TDRD10: variants seen among roughly 807,000 people sequenced by gnomAD.
The protein encoded by TDRD10 is tudor domain containing 10, also known as tudor domain-containing protein 10.
TDRD10 carries 40 observed loss-of-function variants against 48.0 expected under a neutral mutation model. That is an observed-to-expected ratio of 0.83 (90% CI 0.65 to 1.09). The LOEUF is 1.09. TDRD10 is among the 50% of genes least tolerant of loss of function. The pLI is 0.00. For synonymous variants in TDRD10, 162 were observed against 170.4 expected (o/e 0.95, Z 0.38); for missense variants, 378 against 434.7 (o/e 0.87, Z 1.16).
chr1:154,544,391 A>G lies in TDRD10; in HGVS notation c.671A>G (p.Gln224Arg). 6.3e-7 allele frequency: 1 copy of G among 1,590,756 alleles called. No individual in the cohort carries two copies. Among genetic ancestry groups the G allele is most frequent in the Non-Finnish European group, 8.6e-7 (1 of 1,168,996 alleles). The change falls in exon 10 of 13, where the codon CAG (glutamine) becomes CGG (arginine). Residue 224 changes from glutamine (Q) to arginine (R), a missense_variant. Physicochemically the swap from Gln to Arg is conservative, Grantham distance 43. Transcript: ENST00000368482. ...HVTEALHQNM[Q>R]ALFSTLAQAE... is the part of the protein sequence containing the mutation. ...CCACAGGCTCTGCACCAGAACATGC[A>G]GGCTCTGTTTAGCACCCTGGCTCAG...
chr1:154,503,345 T>C (rs1159595041), intron 1 of TDRD10, among the ~76,000 whole-genome samples: 2 of 152,124 alleles, frequency 1.3e-5, no homozygotes, highest in Non-Finnish European at 2.9e-5. Context: ...CCCAGCACTT[T>C]GGGAGGCCGA....
At chr1:154,521,509 C>A in intron 6 of TDRD10, 30 bp downstream of exon 6, 1 of 1,607,220 alleles carries the variant, frequency 6.2e-7, no homozygotes, top group Non-Finnish European at 8.5e-7. Context: ...TGCTCTGGGG[C>A]GTTCCATTTT....
chr1:154,533,424 A>G (rs1238294637), intron 6 of TDRD10, among the ~76,000 whole-genome samples: 5 of 149,924 alleles, frequency 3.3e-5, no homozygotes, highest in African/African-American at 1.2e-4. Context: ...TAAGTTTGGA[A>G]TATATAAAGC....
chr1:154,544,465 A>T lies in TDRD10; in HGVS notation c.745A>T (p.Thr249Ser), dbSNP rs776368368. The stretch of plus-strand genomic sequence containing the variant: ...GGAGGGCTCCACCGTTATGCGCGGG[A>T]CTCGCTGTCTGGCAGAGTACCACCT... ...YLEGSTVMRG[T>S]RCLAEYHLGD... Residue 249 changes from threonine to serine, a missense_variant, in exon 10 of 13, where the codon ACT (threonine) becomes TCT (serine). Physicochemically the swap from Thr to Ser is moderately conservative, Grantham distance 58 (BLOSUM62 1). Around this residue, in one of 2 missense-constraint regions of TDRD10, gnomAD observed 310 missense variants for 323.6 expected, o/e 0.96. Coordinates refer to ENST00000368482, the MANE Select transcript of TDRD10 (RefSeq NM_182499.4). 1.4e-5 allele frequency: 22 copies of T among 1,613,098 alleles called. No homozygotes were observed. In the East Asian group the frequency reaches 4.7e-4, roughly 34 times the overall value.
intron 3 of TDRD10, among the ~76,000 whole-genome samples, chr1:154,507,592 T>C (rs1010215581): frequency 5.9e-5 from 9 of 152,124 alleles, no homozygotes; most frequent in East Asian, 3.9e-4. Context: ...ATTTTCCCTC[T>C]ACCATCTCCA....
chr1:154,504,043 C>G (rs1023834433), intron 1 of TDRD10, among the ~76,000 whole-genome samples: 5 of 152,192 alleles, frequency 3.3e-5, no homozygotes, highest in Admixed American at 2.6e-4. Flanking sequence ...TCATTTCCCT[C>G]TCCGCCTTCC....
At position 154,508,410 on chromosome 1, in the gene TDRD10, T is replaced by C. The variant is rs1382923289; in HGVS notation, c.83-13T>C. On this transcript the variant is annotated splice_polypyrimidine_tract_variant and intron_variant, in intron 3 of 12. Coordinates refer to ENST00000368482, the MANE Select transcript of TDRD10 (RefSeq NM_182499.4). ...TATGTATGCCTGCCATTTAATGCTG[T>C]TTTTCTTCTTAGGATTCAAGAAAAG... 6.3e-7 allele frequency: 1 copy of C among 1,592,084 alleles called. No homozygotes were observed. Among genetic ancestry groups the C allele is most frequent in the Admixed American group, 1.7e-5 (1 of 59,996 alleles).
chr1:154,519,674 G>A (rs919145426), intron 4 of TDRD10, among the ~76,000 whole-genome samples: 1 of 152,140 alleles, frequency 6.6e-6, no homozygotes, highest in African/African-American at 2.4e-5. Flanking sequence ...CTTTCTACAA[G>A]TTTGGCAGAA....
chr1:154,544,896 G>A lies in TDRD10; in HGVS notation c.899G>A (p.Ser300Asn), dbSNP rs769601109. ...GTGCAGTCTCTGCGCAGCCTAGACA[G>A]CGACGACTTCTGGACCATCCCACCC... ...IPVQSLRSLD[S>N]DDFWTIPPLT... Residue 300 changes from serine to asparagine, a missense_variant, in exon 11 of 13, where the codon AGC becomes AAC. Ser to Asn is a conservative substitution (Grantham distance 46). Around this residue, in one of 2 missense-constraint regions of TDRD10, gnomAD observed 68 missense variants for 111.1 expected, o/e 0.61. Transcript: ENST00000368482. The A allele has an allele frequency of 1.2e-6, 2 of 1,614,090 alleles. No homozygotes were observed. Among genetic ancestry groups the A allele is most frequent in the East Asian group, 4.5e-5 (2 of 44,902 alleles).
chr1:154,519,810 G>T lies in TDRD10; in HGVS notation c.142-494G>T, dbSNP rs906262583. ...CCCGCGGAGCAGGATGGGGAGGAGG[G>T]GATGGGGTGAGGAAGACGGCCTGAG... On this transcript the variant is annotated intron_variant, in intron 4 of 12. Transcript: ENST00000368482. 6.6e-5 allele frequency among the ~76,000 whole-genome samples: 10 copies of T among 152,336 alleles called. No homozygotes were observed. In the East Asian group the frequency reaches 1.7e-3, roughly 26 times the overall value.
chr1:154,531,952 G>A (rs1694651900), intron 6 of TDRD10, among the ~76,000 whole-genome samples: 1 of 152,222 alleles, frequency 6.6e-6, no homozygotes, highest in Non-Finnish European at 1.5e-5. Context: ...GCGCTGATTG[G>A]TGTATTTACA....
chr1:154,511,110 T>G (rs1173641205), intron 4 of TDRD10, among the ~76,000 whole-genome samples: 1 of 151,952 alleles, frequency 6.6e-6, no homozygotes, highest in Non-Finnish European at 1.5e-5. Context: ...TTAACTTTTT[T>G]GTTTGTTTGT....
Position 154,524,943 on chromosome 1 carries a change from C to T in TDRD10, c.369+3464C>T, listed in dbSNP as rs576137872. ...TCCTTGGACTTCTGTGTGGCTCCTT[C>T]CTCTCTGGTCCTCTGTCCCCAAATT... On this transcript the variant is annotated intron_variant, in intron 6 of 12. Coordinates refer to ENST00000368482, the MANE Select transcript of TDRD10 (RefSeq NM_182499.4). Among the ~76,000 whole-genome samples, 3 of 152,330 alleles carry T rather than the reference C, an allele frequency of 2.0e-5. No homozygotes were observed. In the East Asian group the frequency reaches 5.8e-4, roughly 29 times the overall value.
At chr1:154,517,775 A>G (rs1249870482) in intron 4 of TDRD10, among the ~76,000 whole-genome samples, 1 of 151,776 alleles carries the variant, frequency 6.6e-6, no homozygotes, top group Non-Finnish European at 1.5e-5. Flanking sequence ...TCACACTAAT[A>G]TTTTCCTAGT....
chr1:154,538,550 CAAAAAAAA>C (rs59257227), intron 6 of TDRD10, among the ~76,000 whole-genome samples: 1 of 57,340 alleles, frequency 1.7e-5, no homozygotes, highest in Non-Finnish European at 3.0e-5. Flanking sequence ...AACTCTATCT[CAAAAAAAA>C]AAAAAAAAAA....
chr1:154,503,281 T>TCGAAGCC (rs1422840768), intron 1 of TDRD10, among the ~76,000 whole-genome samples: 1 of 152,036 alleles, frequency 6.6e-6, no homozygotes, highest in East Asian at 1.9e-4. Context: ...CTCCCTCCCT[T>TCGAAGCC]CGAAGCCCTT....
intron 6 of TDRD10, among the ~76,000 whole-genome samples, chr1:154,523,717 T>C (rs1694171358): frequency 1.3e-5 from 2 of 152,204 alleles, no homozygotes; most frequent in South Asian, 4.1e-4. Context: ...CTTTTCTCAC[T>C]AGGTTATAGC....
chr1:154,512,702 C>T (rs966597600), intron 4 of TDRD10, among the ~76,000 whole-genome samples: 2 of 152,106 alleles, frequency 1.3e-5, no homozygotes, highest in East Asian at 1.9e-4. Context: ...GACATTGGAG[C>T]TCTGATTACC....
intron 9 of TDRD10, 47 bp from the exon 10 acceptor site, chr1:154,544,325 T>G: frequency 6.4e-7 from 1 of 1,554,194 alleles, no homozygotes; most frequent in East Asian, 2.4e-5. Flanking sequence ...GAGGCAGATT[T>G]GTAATGCAGT....
Sources: allele counts gnomAD v4.1 joint callset (sites outside exome capture counted in the v4.1 genomes callset), GRCh38; gene constraint gnomAD v4.1.1; regional missense constraint gnomAD v4.1.1; transcripts MANE v1.5; gene names NCBI Gene and HGNC (gene_info 2026-07-23, HGNC 2026-07-21).